The following SLC45A4 variants were observed in gnomAD, a reference collection of about 807,000 sequenced individuals.
SLC45A4 encodes polyamine-transporter SLC45A4.
SLC45A4 carries 32 observed loss-of-function variants against 63.7 expected under a neutral mutation model. The ratio of observed to expected loss-of-function variants is 0.50; its 90% CI spans 0.38 to 0.67. The LOEUF (loss-of-function observed/expected upper bound fraction) is 0.67. Among genes scored for constraint, SLC45A4 ranks in the 30% least tolerant of loss-of-function variants. The pLI is 0.00. For synonymous variants in SLC45A4, 535 were observed against 510.0 expected, an observed-to-expected ratio of 1.05 and a Z score of -0.66; for missense variants, 1,027 against 1,157.7, an observed-to-expected ratio of 0.89 and a Z score of 1.64.
chr8:141,247,777 C>A (rs189404809), intron 2 of SLC45A4, among the ~76,000 whole-genome samples: 7 of 152,266 alleles, frequency 4.6e-5, no homozygotes, highest in Admixed American at 2.6e-4. Flanking sequence ...CTACAGAAAT[C>A]AATCAATCGT....
At chr8:141,230,397 G>A (rs1827280278) in intron 2 of SLC45A4, 6 of 329,074 alleles carry the variant, frequency 1.8e-5, no homozygotes, top group Non-Finnish European at 3.6e-5. Flanking sequence ...GGGTGCCGAG[G>A]GTTCCCAGCA....
At chr8:141,304,707 G>T (rs773656857) in intron 1 of SLC45A4, among the ~76,000 whole-genome samples, 1 of 151,918 alleles carries the variant, frequency 6.6e-6, no homozygotes, top group Non-Finnish European at 1.5e-5. Context: ...CTAACCAGTC[G>T]CACTCAACAA....
intron 1 of SLC45A4, among the ~76,000 whole-genome samples, chr8:141,261,772 C>T (rs1272543653): frequency 6.6e-6 from 1 of 152,106 alleles, no homozygotes; most frequent in Admixed American, 6.5e-5. Flanking sequence ...TAGGAAGAAT[C>T]AATATCATGA....
At chr8:141,211,984 T>G in intron 8 of SLC45A4, 5 of 1,294,478 alleles carry the variant, frequency 3.9e-6, no homozygotes, top group Non-Finnish European at 4.9e-6. Flanking sequence ...GAAAAAGTGG[T>G]TAGTGTGGTA....
At position 141,211,269 on chromosome 8, in the gene SLC45A4, G is replaced by A; in HGVS notation, c.*303C>T. The A allele has an allele frequency of 1.7e-6, 1 of 589,996 alleles. No homozygotes were observed. Among genetic ancestry groups the A allele is most frequent in the African/African-American group, 1.9e-5 (1 of 51,816 alleles). 36.5% of individuals were successfully genotyped at this position (589,996 alleles called of 1,614,324 possible). On this transcript the variant is annotated 3_prime_UTR_variant, in exon 9 of 9. Coordinates refer to ENST00000517878, the MANE Select transcript of SLC45A4 (RefSeq NM_001286646.2). ...TCCCCCTGACGTTGGGAGCGGTCTG[G>A]AGGGGCAACCTGGCCTCCTAGGAGA...
At chr8:141,244,958 G>GC (rs1828101076) in intron 2 of SLC45A4, among the ~76,000 whole-genome samples, 2 of 53,132 alleles carry the variant, frequency 3.8e-5, no homozygotes, top group South Asian at 7.6e-4. Flanking sequence ...AGACGTGGGT[G>GC]GGGGGGGGGG....
intron 1 of SLC45A4, among the ~76,000 whole-genome samples, chr8:141,283,580 G>A (rs1284104236): frequency 1.3e-5 from 2 of 152,246 alleles, no homozygotes; most frequent in African/African-American, 2.4e-5. Flanking sequence ...GTCCCAGGGG[G>A]CAGCAAGGGA....
intron 2 of SLC45A4, chr8:141,252,646 T>C (rs1206810692): frequency 7.3e-6 from 1 of 137,378 alleles, no homozygotes; most frequent in African/African-American, 2.6e-5. Flanking sequence ...CATGCCCACC[T>C]GCGTCTGTGA....
intron 2 of SLC45A4, chr8:141,228,233 G>T (rs1366004679): frequency 2.5e-6 from 4 of 1,613,916 alleles, no homozygotes; most frequent in South Asian, 2.2e-5. Context: ...GTCTTTGGAC[G>T]GGACAGCCCT....
chr8:141,306,151 A>C (rs1830892650), intron 1 of SLC45A4, among the ~76,000 whole-genome samples: 1 of 152,142 alleles, frequency 6.6e-6, no homozygotes, highest in South Asian at 2.1e-4. Context: ...GCATCTCGGC[A>C]GGGCAGCAGG....
rs146105298 is a variant in SLC45A4 at position 141,307,196 on chromosome 8, G to A, written c.-401+900C>T. The stretch of plus-strand genomic sequence containing the variant: ...CGCTGGAAAAGCCGCTGCTGGAAGT[G>A]CTCCAATCCAGAGCAGGATACCTGG... On this transcript the variant is annotated intron_variant, in intron 1 of 8. Transcript: ENST00000517878. Among the ~76,000 whole-genome samples the A allele has an allele frequency of 2.1e-3, 322 of 152,342 alleles. 12 individuals carry two copies. The East Asian group carries it at 0.045, about 22-fold the overall frequency.
At chr8:141,301,962 A>G (rs1004028043) in intron 1 of SLC45A4, among the ~76,000 whole-genome samples, 1 of 151,990 alleles carries the variant, frequency 6.6e-6, no homozygotes, top group Non-Finnish European at 1.5e-5. Flanking sequence ...ACACTGTCTC[A>G]AAAAAGAAAA....
intron 1 of SLC45A4, among the ~76,000 whole-genome samples, chr8:141,258,060 CTTTTTTTTT>C (rs3072057): frequency 6.0e-4 from 74 of 123,292 alleles, no homozygotes; most frequent in Middle Eastern, 4.3e-3. Context: ...TTTCTTCTTC[CTTTTTTTTT>C]TTTTTTTTTT....
chr8:141,238,374 G>A (rs930591833), intron 2 of SLC45A4, among the ~76,000 whole-genome samples: 9 of 152,044 alleles, frequency 5.9e-5, no homozygotes, highest in South Asian at 2.1e-4. Flanking sequence ...GCTCAGGGGC[G>A]GTGAGCGCAC....
chr8:141,248,774 C>T (rs1828334345), intron 2 of SLC45A4, among the ~76,000 whole-genome samples: 2 of 151,800 alleles, frequency 1.3e-5, no homozygotes, highest in Admixed American at 6.6e-5. Context: ...CAGCACTTGG[C>T]GAGGCTGAGG....
chr8:141,279,540 G>A (rs1829857028), intron 1 of SLC45A4, among the ~76,000 whole-genome samples: 1 of 152,244 alleles, frequency 6.6e-6, no homozygotes, highest in Admixed American at 6.5e-5. Context: ...GATGCCTTCA[G>A]TTGTAAACCG....
At position 141,306,022 on chromosome 8, in the gene SLC45A4, C is replaced by A. The variant is rs1043746574; in HGVS notation, c.-401+2074G>T. The stretch of plus-strand genomic sequence containing the variant: ...ACAGGCTTGCTCCGCCCCTCCCCCA[C>A]CCCCCTCCAATAAGCAAAGTTAGAG... On this transcript the variant is annotated intron_variant, in intron 1 of 8. Coordinates refer to ENST00000517878, the MANE Select transcript of SLC45A4 (RefSeq NM_001286646.2). Among the ~76,000 whole-genome samples the A allele has an allele frequency of 2.6e-5, 4 of 151,788 alleles. No individual in the cohort carries two copies. The East Asian group carries it at 7.8e-4, about 29-fold the overall frequency.
At chr8:141,294,374 T>C (rs1420998739) in intron 1 of SLC45A4, among the ~76,000 whole-genome samples, 1 of 152,162 alleles carries the variant, frequency 6.6e-6, no homozygotes, top group East Asian at 1.9e-4. Context: ...AGCCCCTGCC[T>C]AGAAGCAGAG....
chr8:141,219,374 T>G (rs1826434679), intron 4 of SLC45A4, among the ~76,000 whole-genome samples: 1 of 152,168 alleles, frequency 6.6e-6, no homozygotes, highest in Non-Finnish European at 1.5e-5. Flanking sequence ...GCAAGGTCAG[T>G]GCAGGGCTGG....
Sources: gnomAD v4.1 joint callset for allele counts (sites outside exome capture counted in the v4.1 genomes callset) on GRCh38, gnomAD v4.1.1 for gene constraint, MANE v1.5 for transcripts, NCBI Gene and HGNC (gene_info 2026-07-23, HGNC 2026-07-21) for gene names.